NUP210L: variants seen among roughly 807,000 people sequenced by gnomAD.
NUP210L encodes nucleoporin 210 like, also known as nuclear pore membrane glycoprotein 210-like.
In NUP210L, 74 loss-of-function variants were observed where a neutral mutation model predicts 208.5. The observed-to-expected ratio is 0.35, with a 90% CI of 0.29 to 0.43. NUP210L has a LOEUF of 0.43. Ranked by LOEUF, NUP210L falls within the 20% of genes least tolerant of loss-of-function variation. The probability of loss-of-function intolerance (pLI) is 1.00; values close to 1 mark genes in which losing one functional copy is unlikely to be tolerated. For synonymous variants in NUP210L, 780 were observed against 816.9 expected, an observed-to-expected ratio of 0.95 and a Z score of 0.77; for missense variants, 1,843 against 2,289.4, an observed-to-expected ratio of 0.81 and a Z score of 3.98.
At chr1:154,057,025 C>A in intron 22 of NUP210L, 78 bp from the exon 23 acceptor site, 1 of 1,456,608 alleles carries the variant, frequency 6.9e-7, no homozygotes, top group East Asian at 2.3e-5. Flanking sequence ...GTCGCCCAGG[C>A]TGGAGTGCAG....
At chr1:154,118,859 A>G in intron 10 of NUP210L, 51 bp from the exon 11 acceptor site, 1 of 1,141,756 alleles carries the variant, frequency 8.8e-7, no homozygotes, top group Non-Finnish European at 1.3e-6. Context: ...GACTATTCTT[A>G]TAATACACAT....
chr1:154,074,224 C>T (rs977881820), intron 16 of NUP210L, among the ~76,000 whole-genome samples: 1 of 152,148 alleles, frequency 6.6e-6, no homozygotes, highest in African/African-American at 2.4e-5. Context: ...CATTTCCCAA[C>T]AGGCTTTCAC....
chr1:154,095,339 T>C (rs1656128372), intron 14 of NUP210L, among the ~76,000 whole-genome samples, 183 bp from the exon 15 acceptor site: 2 of 152,194 alleles, frequency 1.3e-5, no homozygotes, highest in African/African-American at 4.8e-5. Context: ...CTACCTATCA[T>C]TTGAACCTAA....
exon 3 of NUP210L, chr1:154,143,561 T>C (rs756368107): frequency 6.2e-7 from 1 of 1,613,670 alleles, no homozygotes; most frequent in East Asian, 2.2e-5. Flanking sequence ...CATCACAGCG[T>C]AGCTCATGGT....
intron 16 of NUP210L, among the ~76,000 whole-genome samples, chr1:154,072,175 T>C (rs2148014837): frequency 6.6e-6 from 1 of 152,228 alleles, no homozygotes; most frequent in East Asian, 1.9e-4. Flanking sequence ...ATGGTAGCTT[T>C]ACTTTTAGGT....
intron 35 of NUP210L, among the ~76,000 whole-genome samples, chr1:154,002,257 G>T (rs1475697911): frequency 6.6e-6 from 1 of 151,984 alleles, no homozygotes; most frequent in African/African-American, 2.4e-5. Flanking sequence ...ACTGTGTCGT[G>T]CAGGCTAGAG....
exon 31 of NUP210L, chr1:154,023,291 G>A: frequency 6.2e-7 from 1 of 1,606,730 alleles, no homozygotes; most frequent in Non-Finnish European, 8.5e-7. Context: ...TATGTCACCG[G>A]TGCTACCTGT....
exon 13 of NUP210L, chr1:154,104,110 T>G (rs762442432): frequency 4.3e-6 from 7 of 1,613,970 alleles, no homozygotes; most frequent in Non-Finnish European, 5.1e-6. Flanking sequence ...GGTCTCTTTA[T>G]TTATGTGATA....
At chr1:154,139,160 C>T (rs1658701385) in intron 5 of NUP210L, among the ~76,000 whole-genome samples, 1 of 151,884 alleles carries the variant, frequency 6.6e-6, no homozygotes, top group South Asian at 2.1e-4. Context: ...CCCAGATATT[C>T]GGGAGGCTGA....
chr1:154,093,928 A>G (rs773358397), intron 15 of NUP210L, among the ~76,000 whole-genome samples: 6 of 152,158 alleles, frequency 3.9e-5, no homozygotes, highest in Non-Finnish European at 7.3e-5. Context: ...AGGTGGGTGG[A>G]TCACTTGATT....
chr1:154,126,165 A>G (rs1359393589), intron 10 of NUP210L, among the ~76,000 whole-genome samples, 158 bp downstream of exon 10: 2 of 152,176 alleles, frequency 1.3e-5, no homozygotes, highest in Admixed American at 6.6e-5. Context: ...ATTAGAACAG[A>G]AAATTTGTAG....
chr1:154,110,966 T>A, intron 12 of NUP210L, among the ~76,000 whole-genome samples: 1 of 143,312 alleles, frequency 7.0e-6, no homozygotes, highest in Non-Finnish European at 1.5e-5. Context: ...CGGAAATAAA[T>A]GAAATAAAAA....
intron 37 of NUP210L, among the ~76,000 whole-genome samples, chr1:153,999,860 C>T (rs1342779005): frequency 1.4e-5 from 2 of 146,730 alleles, no homozygotes; most frequent in Non-Finnish European, 3.0e-5. Flanking sequence ...GGGTCTTGCT[C>T]TGTCACCAGG....
chr1:154,083,212 G>GCTGATTGGTCCATTTTACAGAGCA (rs1480637566), intron 16 of NUP210L, among the ~76,000 whole-genome samples: 2 of 152,144 alleles, frequency 1.3e-5, no homozygotes, highest in Admixed American at 1.3e-4. Flanking sequence ...TTTACAGAGT[G>GCTGATTGGTCCATTTTACAGAGCA]CTGATTGGTC....
intron 16 of NUP210L, among the ~76,000 whole-genome samples, chr1:154,086,650 A>G (rs78147380): frequency 2.1e-5 from 3 of 145,056 alleles, no homozygotes; most frequent in Non-Finnish European, 3.0e-5. Flanking sequence ...ATCTCTACAG[A>G]AAAAAAAAAA....
chr1:154,103,685 A>T (rs1334495544), intron 13 of NUP210L, among the ~76,000 whole-genome samples: 1 of 150,650 alleles, frequency 6.6e-6, no homozygotes, highest in East Asian at 1.9e-4. Flanking sequence ...AAAAAAAAAA[A>T]AAAGAAAAAA....
rs781521953 is a variant in NUP210L at position 154,139,972 on chromosome 1, T to C, written c.567-20A>G. Reference sequence around the variant, plus strand: ...AGAATCCTAAAGACATAAAATAAAATGTGTTTCTAGCAGAATTAAACGAAG... The same window carrying C: ...AGAATCCTAAAGACATAAAATAAAACGTGTTTCTAGCAGAATTAAACGAAG... On this transcript the variant is annotated intron_variant, in intron 4 of 39. Transcript: ENST00000368559. The C allele has an allele frequency of 5.7e-6, 9 of 1,590,914 alleles. No homozygotes were observed. Among genetic ancestry groups the C allele is most frequent in the Middle Eastern group, 1.7e-4 (1 of 5,998 alleles).
intron 17 of NUP210L, among the ~76,000 whole-genome samples, chr1:154,068,103 C>CA (rs1431980240): frequency 6.6e-6 from 1 of 151,868 alleles, no homozygotes; most frequent in Non-Finnish European, 1.5e-5. Context: ...CATATAGAAC[C>CA]AAAAAAGAGC....
chr1:154,112,627 G>A lies in NUP210L; in HGVS notation c.1620+5098C>T, dbSNP rs371078917. On this transcript the variant is annotated intron_variant, in intron 12 of 39. Transcript: ENST00000368559. ...TTACAGCACTTTGGGAGGCCAAGGCGGGAAGATCGCTTGAGCCCAGGAGTT... is the reference window on the plus strand; with the variant it reads ...TTACAGCACTTTGGGAGGCCAAGGCAGGAAGATCGCTTGAGCCCAGGAGTT... Among the ~76,000 whole-genome samples, 34 of 152,136 alleles carry A rather than the reference G, an allele frequency of 2.2e-4. No homozygotes were observed. The South Asian group carries it at 3.3e-3, about 15-fold the overall frequency.
Sources: gnomAD v4.1 joint callset for allele counts (sites outside exome capture counted in the v4.1 genomes callset) on GRCh38, gnomAD v4.1.1 for gene constraint, MANE v1.5 for transcripts, NCBI Gene and HGNC (gene_info 2026-07-23, HGNC 2026-07-21) for gene names.